Variants in OPHN1 observed in about 807,000 individuals in gnomAD.
OPHN1 encodes the protein oligophrenin 1.
OPHN1 carries 11 observed loss-of-function variants against 60.7 expected under a neutral mutation model. That is an observed-to-expected ratio of 0.18 (90% CI 0.11 to 0.30). OPHN1 has a LOEUF of 0.30. Ranked by LOEUF, OPHN1 falls within the 10% of genes least tolerant of loss-of-function variation. OPHN1 has a pLI of 1.00. For missense variants in OPHN1, 449 were observed against 611.0 expected (o/e 0.73, Z 2.80); for synonymous variants, 226 against 222.6 (o/e 1.02, Z -0.14).
At chrX:68,155,083 A>G (rs762876677) in intron 15 of OPHN1, among the ~76,000 whole-genome samples, 1 of 110,788 alleles carries the variant, frequency 9.0e-6, no homozygotes, top group African/African-American at 3.3e-5. Context: ...TGAAACTGCA[A>G]AATTCTACCC....
chrX:68,356,218 G>A (rs2078439968), intron 2 of OPHN1, among the ~76,000 whole-genome samples: 1 of 110,807 alleles, frequency 9.0e-6, no homozygotes, highest in Admixed American at 9.7e-5. Context: ...CTCTCGTGAT[G>A]TGGGTAGGCC....
At chrX:68,256,906 C>A (rs918322372) in intron 5 of OPHN1, among the ~76,000 whole-genome samples, 4 of 109,916 alleles carry the variant, frequency 3.6e-5, no homozygotes, top group Non-Finnish European at 1.9e-5. Flanking sequence ...GTGGCACACT[C>A]CTGTAATCCC....
chrX:68,203,872 A>G (rs2077546472), intron 10 of OPHN1, among the ~76,000 whole-genome samples: 1 of 112,570 alleles, frequency 8.9e-6, no homozygotes, highest in African/African-American at 3.2e-5. Context: ...TTCCTCAAAA[A>G]TCCTTCTTCA....
intron 16 of OPHN1, among the ~76,000 whole-genome samples, chrX:68,113,554 A>G: frequency 9.0e-6 from 1 of 111,095 alleles, no homozygotes; most frequent in African/African-American, 3.3e-5. Flanking sequence ...TTACGATTTG[A>G]TAGATCCTTA....
intron 15 of OPHN1, among the ~76,000 whole-genome samples, chrX:68,190,063 A>G (rs1442184770): frequency 1.8e-5 from 2 of 111,603 alleles, no homozygotes; most frequent in Non-Finnish European, 3.8e-5. Context: ...ATGGGTCCAC[A>G]TGCAGCCAAG....
At chrX:68,429,143 C>T (rs147175720) in intron 2 of OPHN1, among the ~76,000 whole-genome samples, 2 of 111,188 alleles carry the variant, frequency 1.8e-5, no homozygotes, top group African/African-American at 6.5e-5. Context: ...GATTTGGGGC[C>T]AGGCACGGTG....
intron 2 of OPHN1, among the ~76,000 whole-genome samples, chrX:68,377,557 A>G (rs1400161552): frequency 9.3e-6 from 1 of 107,699 alleles, no homozygotes; most frequent in East Asian, 2.9e-4. Context: ...CATTAGGTAT[A>G]TCTCCTAATG....
chrX:68,188,854 A>G (rs1219680660), intron 15 of OPHN1, among the ~76,000 whole-genome samples: 1 of 112,338 alleles, frequency 8.9e-6, no homozygotes, highest in Admixed American at 9.5e-5. Flanking sequence ...AATTATGAAA[A>G]TGGAAAAATG....
chrX:68,168,237 G>C (rs1281030139), intron 15 of OPHN1, among the ~76,000 whole-genome samples: 1 of 110,460 alleles, frequency 9.1e-6, no homozygotes, highest in Non-Finnish European at 1.9e-5. Context: ...TTCCAAAATT[G>C]AACACATAGT....
Position 68,227,751 on chromosome X carries a change from G to A in OPHN1, c.486+6736C>T, listed in dbSNP as rs767803867. ...TACCAGAATCTCTGGGACACAGTTA[G>A]AGCAGTGTGTAGAGGGAAATTTATA... is the stretch of plus-strand genomic sequence containing the variant. On this transcript the variant is annotated intron_variant, in intron 6 of 24. Coordinates refer to ENST00000355520, the MANE Select transcript of OPHN1 (RefSeq NM_002547.3). Among the ~76,000 whole-genome samples the A allele has an allele frequency of 1.9e-4, 21 of 110,840 alleles. No individual in the cohort carries two copies. In the East Asian group the frequency reaches 4.9e-3, roughly 26 times the overall value.
intron 2 of OPHN1, among the ~76,000 whole-genome samples, chrX:68,412,025 G>A (rs930619273): frequency 4.2e-4 from 47 of 111,537 alleles, no homozygotes; most frequent in African/African-American, 1.5e-3. Context: ...AGGAGGCCTG[G>A]CTAGCAGAAG....
chrX:68,103,413 G>A (rs1304925428), intron 18 of OPHN1, among the ~76,000 whole-genome samples: 1 of 111,560 alleles, frequency 9.0e-6, no homozygotes, highest in Non-Finnish European at 1.9e-5. Context: ...AAATCAACAG[G>A]CAATATGATA....
chrX:68,312,602 C>T (rs55949133), intron 2 of OPHN1, among the ~76,000 whole-genome samples: 7,493 of 110,231 alleles, frequency 0.068, 652 homozygotes, highest in African/African-American at 0.24. Flanking sequence ...TCTAACTTTA[C>T]ACCTTAAGAA....
intron 18 of OPHN1, among the ~76,000 whole-genome samples, chrX:68,107,712 G>T (rs921448531): frequency 1.8e-5 from 2 of 111,207 alleles, no homozygotes; most frequent in Non-Finnish European, 3.8e-5. Context: ...GTTACCTCAG[G>T]TGATCCACCC....
At chrX:68,305,643 A>T (rs752254449) in intron 2 of OPHN1, among the ~76,000 whole-genome samples, 4 of 112,609 alleles carry the variant, frequency 3.6e-5, no homozygotes, top group Non-Finnish European at 7.5e-5. Context: ...CACAATGACC[A>T]GCAGCAAAAG....
intron 15 of OPHN1, among the ~76,000 whole-genome samples, chrX:68,153,379 T>C (rs1262445412): frequency 3.6e-5 from 4 of 111,440 alleles, no homozygotes; most frequent in African/African-American, 9.8e-5. Flanking sequence ...GGATTACTTA[T>C]GTAAGTGGTG....
chrX:68,136,705 C>G (rs918450958), intron 15 of OPHN1, among the ~76,000 whole-genome samples: 2 of 111,649 alleles, frequency 1.8e-5, no homozygotes, highest in African/African-American at 6.5e-5. Flanking sequence ...AATAATAACA[C>G]CTAACTCATA....
At chrX:68,102,162 A>T (rs1260103910) in intron 18 of OPHN1, 1 of 112,155 alleles carries the variant, frequency 8.9e-6, no homozygotes, top group Non-Finnish European at 1.9e-5. Context: ...AACAGAAATC[A>T]TAACAAACAG....
At chrX:68,344,751 T>C (rs975853009) in intron 2 of OPHN1, among the ~76,000 whole-genome samples, 12 of 112,182 alleles carry the variant, frequency 1.1e-4, no homozygotes, top group African/African-American at 3.9e-4. Context: ...CATAAAATGC[T>C]AATTAGACAA....
Sources: allele counts gnomAD v4.1 joint callset (sites outside exome capture counted in the v4.1 genomes callset), GRCh38; gene constraint gnomAD v4.1.1; transcripts MANE v1.5; gene names NCBI Gene and HGNC (gene_info 2026-07-23, HGNC 2026-07-21).